The following RGS6 variants were observed in gnomAD, a reference collection of about 807,000 sequenced individuals.
RGS6 encodes regulator of G-protein signaling 6.
In RGS6, 30 loss-of-function variants were observed where a neutral mutation model predicts 78.5. That is an observed-to-expected ratio of 0.38 (90% CI 0.29 to 0.52). The LOEUF (loss-of-function observed/expected upper bound fraction) is 0.52, where lower values mean the gene tolerates loss of function less well. Ranked by LOEUF, RGS6 falls within the 20% of genes least tolerant of loss-of-function variation. The pLI, the probability that RGS6 is intolerant of heterozygous loss-of-function variation, is 0.85. For synonymous variants in RGS6, 206 were observed against 206.0 expected, an observed-to-expected ratio of 1.00 and a Z score of 0.00; for missense variants, 495 against 609.7, an observed-to-expected ratio of 0.81 and a Z score of 1.98.
intron 2 of RGS6, among the ~76,000 whole-genome samples, chr14:72,269,154 G>T (rs982070370): frequency 6.8e-6 from 1 of 146,544 alleles, no homozygotes; most frequent in African/African-American, 2.5e-5. Flanking sequence ...CACCCACCTT[G>T]CTCCAAGCCT....
the RGS6 span, chr14:72,612,430 C>CTTTT: frequency 2.4e-6 from 1 of 419,670 alleles, no homozygotes; most frequent in Non-Finnish European, 4.8e-6. Flanking sequence ...TGTTTCTGTC[C>CTTTT]TTTTTTTTTT....
the RGS6 span, among the ~76,000 whole-genome samples, chr14:71,903,030 A>G: frequency 6.6e-6 from 1 of 152,242 alleles, no homozygotes; most frequent in East Asian, 1.9e-4. Flanking sequence ...CTTTGTTTCT[A>G]TCTACAGAAG....
the RGS6 span, among the ~76,000 whole-genome samples, chr14:71,919,899 C>T: frequency 2.0e-5 from 3 of 152,064 alleles, no homozygotes; most frequent in East Asian, 3.9e-4. Context: ...GAGTCTGAGG[C>T]AGGAGAATCA....
chr14:72,160,463 C>G (rs1429579767), intron 2 of RGS6, among the ~76,000 whole-genome samples: 1 of 152,142 alleles, frequency 6.6e-6, no homozygotes, highest in African/African-American at 2.4e-5. Context: ...AAAACTCAGT[C>G]CCATTGGTGA....
At chr14:72,319,989 C>A (rs1490726758) in intron 2 of RGS6, among the ~76,000 whole-genome samples, 1 of 152,148 alleles carries the variant, frequency 6.6e-6, no homozygotes, top group Non-Finnish European at 1.5e-5. Flanking sequence ...CAATACTACT[C>A]TGTATTATAG....
the RGS6 span, among the ~76,000 whole-genome samples, chr14:72,599,428 A>T: frequency 2.1e-5 from 1 of 48,400 alleles, no homozygotes; most frequent in Admixed American, 3.0e-4. Context: ...TTTTTTTTTG[A>T]GACAGAGTCT....
chr14:72,132,351 A>G (rs1352306623), intron 2 of RGS6, among the ~76,000 whole-genome samples: 1 of 149,540 alleles, frequency 6.7e-6, no homozygotes, highest in Non-Finnish European at 1.5e-5. Flanking sequence ...ATCTCGGCTC[A>G]CTGAAACCTC....
At chr14:72,601,052 AGAG>A in the RGS6 span, among the ~76,000 whole-genome samples, 6 of 124,058 alleles carry the variant, frequency 4.8e-5, no homozygotes, top group Admixed American at 3.1e-4. Flanking sequence ...AGAAGGGGGA[AGAG>A]GAGGAGGAGG....
downstream of RGS6, among the ~76,000 whole-genome samples, chr14:72,569,985 C>T (rs549322443): frequency 5.5e-4 from 83 of 152,214 alleles, no homozygotes; most frequent in African/African-American, 1.4e-3. Context: ...TCTGTGAGCC[C>T]GTTTGAGAAA....
chr14:72,507,737 A>G (rs2096826475), intron 13 of RGS6, among the ~76,000 whole-genome samples: 1 of 152,184 alleles, frequency 6.6e-6, no homozygotes, highest in African/African-American at 2.4e-5. Context: ...CAGTCACTAC[A>G]AAGTCTGAGT....
intron 1 of RGS6, among the ~76,000 whole-genome samples, chr14:71,934,685 C>T (rs916101533): frequency 1.3e-5 from 2 of 152,160 alleles, no homozygotes; most frequent in South Asian, 2.1e-4. Flanking sequence ...AGTAAGTAGA[C>T]GTTTCTTGAG....
chr14:72,503,454 A>T (rs562433424), intron 13 of RGS6, among the ~76,000 whole-genome samples: 1 of 152,232 alleles, frequency 6.6e-6, no homozygotes, highest in Non-Finnish European at 1.5e-5. Context: ...ATGAGATTAA[A>T]GATACCATTC....
the RGS6 span, among the ~76,000 whole-genome samples, chr14:71,921,859 T>C: frequency 4.6e-5 from 7 of 152,324 alleles, no homozygotes; most frequent in South Asian, 1.4e-3. Flanking sequence ...GAAGGGCCCA[T>C]GGGCTTGTAT....
intron 2 of RGS6, among the ~76,000 whole-genome samples, chr14:71,983,845 A>C (rs572285082): frequency 4.6e-4 from 70 of 152,362 alleles, no homozygotes; most frequent in African/African-American, 1.6e-3. Flanking sequence ...TTTTTGACAG[A>C]CACAACTCAA....
the RGS6 span, among the ~76,000 whole-genome samples, chr14:71,881,340 G>C: frequency 2.6e-5 from 4 of 152,194 alleles, no homozygotes; most frequent in African/African-American, 9.7e-5. Context: ...GGCATGATTG[G>C]TTGTGAAATG....
At chr14:72,393,602 C>G (rs1398202451) in intron 3 of RGS6, among the ~76,000 whole-genome samples, 1 of 152,090 alleles carries the variant, frequency 6.6e-6, no homozygotes, top group East Asian at 1.9e-4. Flanking sequence ...ACTATATGCC[C>G]TGCCATATCT....
chr14:72,109,499 G>A (rs2095706711), intron 2 of RGS6, among the ~76,000 whole-genome samples: 1 of 151,920 alleles, frequency 6.6e-6, no homozygotes, highest in Non-Finnish European at 1.5e-5. Flanking sequence ...TTTGGAGCTG[G>A]GACAAAAAAG....
chr14:72,345,806 CA>C (rs1340846047), intron 2 of RGS6, among the ~76,000 whole-genome samples: 1 of 152,162 alleles, frequency 6.6e-6, no homozygotes, highest in Non-Finnish European at 1.5e-5. Flanking sequence ...TACGTACACA[CA>C]AATACATGCA....
intron 2 of RGS6, among the ~76,000 whole-genome samples, chr14:72,248,836 C>T (rs2215014): frequency 0.038 from 5,767 of 152,270 alleles, 138 homozygotes; most frequent in Non-Finnish European, 0.055. Flanking sequence ...TTTTAACCTA[C>T]AGGTTGAGAG....
Sources: gnomAD v4.1 joint callset for allele counts (sites outside exome capture counted in the v4.1 genomes callset) on GRCh38, gnomAD v4.1.1 for gene constraint, MANE v1.5 for transcripts, NCBI Gene and HGNC (gene_info 2026-07-23, HGNC 2026-07-21) for gene names.